The following VPS26A variants were observed in gnomAD, a reference collection of about 807,000 sequenced individuals.
VPS26A encodes the protein VPS26 retromer complex component A, also known as vacuolar protein sorting-associated protein 26A.
A neutral mutation model predicts 42.4 loss-of-function variants in VPS26A; 22 were observed. The ratio of observed to expected loss-of-function variants is 0.52; its 90% confidence interval spans 0.37 to 0.74. The LOEUF is 0.74. Ranked by LOEUF, VPS26A falls within the 30% of genes least tolerant of loss-of-function variation. The pLI is 0.00. For missense variants in VPS26A, 276 were observed against 379.2 expected, an observed-to-expected ratio of 0.73 and a Z score of 2.26; for synonymous variants, 110 against 123.5, an observed-to-expected ratio of 0.89 and a Z score of 0.73.
rs7903329 is a variant in VPS26A at position 69,162,544 on chromosome 10, C to G, written c.658+32C>G. ...TGAAAAGAGTATGTAAATTAAAATT[C>G]TTTGTTTTAGTTGACATTTTTAAAA... On this transcript the variant is annotated intron_variant, in intron 6 of 8. Transcript: ENST00000263559. 11,332 of 1,362,204 alleles carry G rather than the reference C, an allele frequency of 8.3e-3. 784 individuals are homozygous for G. In the African/African-American group the frequency reaches 0.15, roughly 18 times the overall value. 84.4% of individuals were successfully genotyped at this position (1,362,204 alleles called of 1,614,324 possible). A position where few individuals can be genotyped will look rare whatever the true frequency, so the allele number is the denominator to read the frequency against.
chr10:69,127,823 A>G (rs934059002), intron 1 of VPS26A, among the ~76,000 whole-genome samples: 2 of 144,502 alleles, frequency 1.4e-5, no homozygotes, highest in Non-Finnish European at 3.0e-5. Flanking sequence ...CAGCCTCCCA[A>G]GTAGCTGGGA....
chr10:69,172,001 TTG>T lies in VPS26A; in HGVS notation c.*738_*739del, dbSNP rs1319937861. On this transcript the variant is annotated 3_prime_UTR_variant, in exon 9 of 9. Coordinates refer to ENST00000263559, the MANE Select transcript of VPS26A (RefSeq NM_004896.5). ...GTTTTGCTATATTCCAGTAGTACCGTTGTGTGTTTTCTGCAATGTGGAGTTGA... is the reference window on the plus strand; with the variant it reads ...GTTTTGCTATATTCCAGTAGTACCGTTGTGTTTTCTGCAATGTGGAGTTGA... 1 of 152,186 alleles carries T rather than the reference TTG, an allele frequency of 6.6e-6. No homozygotes were observed. Among genetic ancestry groups the T allele is most frequent in the Non-Finnish European group, 1.5e-5 (1 of 68,030 alleles). The allele number at this position is 152,186 out of a possible 1,614,324, so 9.4% of individuals were successfully genotyped here.
In VPS26A at chr10:69,124,253, G is replaced by C. The variant is rs377306327; in HGVS notation, c.-25G>C. On this transcript the variant is annotated 5_prime_UTR_variant, in exon 1 of 9. Coordinates refer to ENST00000263559, the MANE Select transcript of VPS26A (RefSeq NM_004896.5). ...TCCTGAGGGAAGAGGAGTGGAGTAG[G>C]GGGGACGCGGCGGCGGCGTTGACAA... 7.2e-5 allele frequency: 93 copies of C among 1,285,520 alleles called. No homozygotes were observed. In the South Asian group the frequency reaches 9.0e-4, roughly 12 times the overall value. The allele number at this position is 1,285,520 out of a possible 1,614,324, so 79.6% of individuals were successfully genotyped here.
chr10:69,164,261 A>G (rs936723981), intron 6 of VPS26A, among the ~76,000 whole-genome samples: 1 of 149,722 alleles, frequency 6.7e-6, no homozygotes, highest in Non-Finnish European at 1.5e-5. Context: ...ACTGTCACCC[A>G]GGCTGGAGTG....
chr10:69,163,583 C>T (rs570709709), intron 6 of VPS26A, among the ~76,000 whole-genome samples: 1 of 152,144 alleles, frequency 6.6e-6, no homozygotes, highest in Admixed American at 6.5e-5. Context: ...GGGGGAGATA[C>T]TACTACAGTG....
intron 1 of VPS26A, among the ~76,000 whole-genome samples, chr10:69,125,448 A>G (rs1037311305): frequency 6.6e-6 from 1 of 152,168 alleles, no homozygotes; most frequent in South Asian, 2.1e-4. Context: ...ATTTGTGTAA[A>G]TTATTTGTTT....
At position 69,169,640 on chromosome 10, in the gene VPS26A, G is replaced by A. The variant is rs1348137866; in HGVS notation, c.870+1009G>A. ...AGTTTTTTTTTTGAGACAGAGTCTC[G>A]CTCTGTTGCCCAGGCTGGAGTGCAG... On this transcript the variant is annotated intron_variant, in intron 8 of 8. Transcript: ENST00000263559. 2.7e-5 allele frequency among the ~76,000 whole-genome samples: 4 copies of A among 150,108 alleles called. No individual in the cohort carries two copies. The East Asian group carries it at 7.8e-4, about 29-fold the overall frequency.
At chr10:69,161,742 A>G in intron 5 of VPS26A, 1 of 376,414 alleles carries the variant, frequency 2.7e-6, no homozygotes, top group Admixed American at 2.7e-5. Context: ...GCTCATCACA[A>G]TTAGATGCAA....
intron 2 of VPS26A, among the ~76,000 whole-genome samples, chr10:69,138,240 T>C (rs12256643): frequency 0.042 from 6,337 of 152,302 alleles, 465 homozygotes; most frequent in African/African-American, 0.14. Context: ...ATTTTATGGC[T>C]ATACCACATT....
At position 69,171,220 on chromosome 10, in the gene VPS26A, G is replaced by A. The variant is rs749489086; in HGVS notation, c.935G>A (p.Arg312Gln). The change falls in exon 9 of 9, where the codon CGA (arginine) becomes CAA (glutamine). Residue 312 changes from arginine to glutamine, a missense_variant. By Grantham distance (43) the Arg-to-Gln change is conservative. Transcript: ENST00000263559. Reference protein sequence around the residue: ...LRKQRTNFHQRFESPESQASA... With the variant: ...LRKQRTNFHQQFESPESQASA... ...AAACAGAGAACAAACTTTCACCAGC[G>A]ATTTGAATCTCCAGAATCACAGGCA... The A allele has an allele frequency of 1.8e-5, 29 of 1,613,686 alleles. No homozygotes were observed. Among genetic ancestry groups the A allele is most frequent in the African/African-American group, 2.7e-5 (2 of 74,912 alleles).
Position 69,173,184 on chromosome 10 carries a change from A to G in VPS26A, c.*1915A>G, listed in dbSNP as rs1841853920. On this transcript the variant is annotated 3_prime_UTR_variant, in exon 9 of 9. Coordinates refer to ENST00000263559, the MANE Select transcript of VPS26A (RefSeq NM_004896.5). ...AATTAGAAGTCATAAACTGAAAAAGAAATTTGTGTCTTTAATGAAGAGTTA... is the reference window on the plus strand; with the variant it reads ...AATTAGAAGTCATAAACTGAAAAAGGAATTTGTGTCTTTAATGAAGAGTTA... Among the ~76,000 whole-genome samples, 1 of 152,208 alleles carries G rather than the reference A, an allele frequency of 6.6e-6. No individual in the cohort carries two copies. The highest frequency in any genetic ancestry group is 1.5e-5 in the Non-Finnish European group (1 of 68,038).
chr10:69,149,741 T>G lies in VPS26A; in HGVS notation c.154-6071T>G, dbSNP rs1239012930. 1.3e-3 allele frequency among the ~76,000 whole-genome samples: 47 copies of G among 36,810 alleles called. 1 individual carries two copies. The highest frequency in any genetic ancestry group is 2.1e-3 in the African/African-American group (38 of 18,518). 24.1% of individuals were successfully genotyped at this position (36,810 alleles called of 152,430 possible). A position where few individuals can be genotyped will look rare whatever the true frequency, so the allele number is the denominator to read the frequency against. On this transcript the variant is annotated intron_variant, in intron 2 of 8. Transcript: ENST00000263559. ...ACTTTCTTGGTGTTTTTTGTTTTTT[T>G]TTTTTTTTTTTTTTTTTTTTTTTGA... is the stretch of plus-strand genomic sequence containing the variant.
Position 69,166,111 on chromosome 10 carries a change from G to A in VPS26A, c.727+1G>A. ...ATAATGGATGGTGCACCAGTAAAAG[G>A]TAACACACTTTTCAGTTACTTCTTT... On this transcript the variant is annotated splice_donor_variant, in intron 7 of 8. Transcript: ENST00000263559. LOFTEE classifies it high-confidence loss of function. 6.2e-7 allele frequency: 1 copy of A among 1,613,228 alleles called. No homozygotes were observed. Among genetic ancestry groups the A allele is most frequent in the South Asian group, 1.1e-5 (1 of 90,912 alleles).
intron 1 of VPS26A, among the ~76,000 whole-genome samples, chr10:69,126,953 C>A (rs1403734345): frequency 6.6e-6 from 1 of 151,478 alleles, no homozygotes; most frequent in African/African-American, 2.4e-5. Context: ...AAGACTAGTT[C>A]TTTTATTATT....
Position 69,124,224 on chromosome 10 carries a change from GT to G in VPS26A, c.-52del, listed in dbSNP as rs1564669166. The G allele has an allele frequency of 3.9e-6, 5 of 1,278,602 alleles. No homozygotes were observed. The highest frequency in any genetic ancestry group is 4.0e-6 in the Non-Finnish European group (4 of 1,007,178). 79.2% of individuals were successfully genotyped at this position (1,278,602 alleles called of 1,614,324 possible). On this transcript the variant is annotated 5_prime_UTR_variant, in exon 1 of 9. Coordinates refer to ENST00000263559, the MANE Select transcript of VPS26A (RefSeq NM_004896.5). ...GGAGCGGAGGGAGCCGGGGCTGGGA[GT>G]TCTCCTGAGGGAAGAGGAGTGGAGT...
intron 5 of VPS26A, among the ~76,000 whole-genome samples, chr10:69,158,545 T>C (rs916641103): frequency 1.3e-5 from 2 of 152,092 alleles, no homozygotes; most frequent in Non-Finnish European, 2.9e-5. Flanking sequence ...ATTTTCACCT[T>C]TACCACTTAA....
chr10:69,165,203 C>T (rs1196077952), intron 6 of VPS26A, among the ~76,000 whole-genome samples: 5 of 152,180 alleles, frequency 3.3e-5, no homozygotes, highest in Non-Finnish European at 7.3e-5. Context: ...GCTGGGATTA[C>T]AGGCGTGAGC....
rs1840593034 is a variant in VPS26A at position 69,124,236 on chromosome 10, G to T, written c.-42G>T. ...GCCGGGGCTGGGAGTTCTCCTGAGG[G>T]AAGAGGAGTGGAGTAGGGGGGACGC... On this transcript the variant is annotated 5_prime_UTR_variant, in exon 1 of 9. Coordinates refer to ENST00000263559, the MANE Select transcript of VPS26A (RefSeq NM_004896.5). 7.8e-7 allele frequency: 1 copy of T among 1,283,584 alleles called. No individual in the cohort carries two copies. The allele number at this position is 1,283,584 out of a possible 1,614,324, so 79.5% of individuals were successfully genotyped here.
intron 1 of VPS26A, among the ~76,000 whole-genome samples, chr10:69,127,093 AT>A (rs71035057): frequency 0.044 from 4,304 of 97,440 alleles, 98 homozygotes; most frequent in African/African-American, 0.16. Context: ...CACCCGGCCA[AT>A]TTTTTTTTTT....
Sources: allele counts gnomAD v4.1 joint callset (sites outside exome capture counted in the v4.1 genomes callset), GRCh38; gene constraint gnomAD v4.1.1; transcripts MANE v1.5; gene names NCBI Gene and HGNC (gene_info 2026-07-23, HGNC 2026-07-21).